Variants in PROM2 observed in about 807,000 individuals in gnomAD.
PROM2 encodes the protein prominin-2.
A neutral mutation model predicts 110.2 loss-of-function variants in PROM2; 90 were observed. That is an observed-to-expected ratio of 0.82 (90% CI 0.69 to 0.97). The LOEUF (loss-of-function observed/expected upper bound fraction) is 0.97. PROM2 is among the 50% of genes least tolerant of loss of function. The probability of loss-of-function intolerance (pLI) is 0.00; values close to 1 mark genes in which losing one functional copy is unlikely to be tolerated. For synonymous variants in PROM2, 470 were observed against 467.8 expected, an observed-to-expected ratio of 1.00 and a Z score of -0.06; for missense variants, 1,009 against 1,074.8, an observed-to-expected ratio of 0.94 and a Z score of 0.86.
intron 22 of PROM2, 21 bp downstream of exon 22, chr2:95,288,610 C>T: frequency 1.3e-6 from 2 of 1,593,658 alleles, no homozygotes; most frequent in African/African-American, 1.3e-5. Flanking sequence ...GCCAGGGCTG[C>T]AGGCAGCATC....
intron 8 of PROM2, chr2:95,278,270 C>G (rs1676796710): frequency 3.5e-6 from 2 of 568,636 alleles, no homozygotes; most frequent in East Asian, 5.8e-5. Context: ...GGCGGCTCCC[C>G]TGGGTGGAGA....
Position 95,276,395 on chromosome 2 carries a change from C to A in PROM2, c.618+48C>A, listed in dbSNP as rs1167527622. 2.5e-6 allele frequency: 4 copies of A among 1,606,350 alleles called. No homozygotes were observed. In the South Asian group the frequency reaches 4.5e-5, roughly 18 times the overall value. On this transcript the variant is annotated intron_variant, in intron 4 of 23. Coordinates refer to ENST00000317620, the MANE Select transcript of PROM2 (RefSeq NM_001165978.3). This position sits in a 1 kb window ranked among gnomAD's most constrained non-coding sequence, Gnocchi z 4.6. ...CTCATGTGCCCCTGTGAGCACTGGG[C>A]CCGGGCAGGACAGAGCCGAGTGGGC...
intron 22 of PROM2, 104 bp downstream of exon 22, chr2:95,288,693 G>T (rs1677525773): frequency 9.6e-7 from 1 of 1,037,996 alleles, no homozygotes. Context: ...CCCAGGCAGA[G>T]GAGGCTCATG....
intron 12 of PROM2, among the ~76,000 whole-genome samples, chr2:95,281,639 G>T (rs1223963602): frequency 6.6e-6 from 1 of 152,174 alleles, no homozygotes; most frequent in African/African-American, 2.4e-5. Flanking sequence ...TCCTAACACT[G>T]TCTGGGAGCT....
At chr2:95,287,926 T>C (rs1156520535) in intron 20 of PROM2, among the ~76,000 whole-genome samples, 2 of 152,232 alleles carry the variant, frequency 1.3e-5, no homozygotes, top group Admixed American at 6.5e-5. Context: ...CACACACATG[T>C]GTGCTTTCAA....
chr2:95,286,578 T>A lies in PROM2; in HGVS notation c.2040+7T>A. ...CCCCCAGCAGAGCCTTGTGGTCAGT[T>A]TGGAGGCCCGGGGAGCCTGGGGCCT... On this transcript the variant is annotated splice_region_variant and intron_variant, in intron 17 of 23. Transcript: ENST00000317620. 5 of 1,612,426 alleles carry A rather than the reference T, an allele frequency of 3.1e-6. No homozygotes were observed. The highest frequency in any genetic ancestry group is 4.2e-6 in the Non-Finnish European group (5 of 1,179,306).
Position 95,280,057 on chromosome 2 carries a change from G to A in PROM2, c.1427+60G>A, listed in dbSNP as rs1484339443. ...CTTATAGGGCTGGCTGATTACTCTC[G>A]CTCCTGAGCATAGCTCCCGGTGTGG... is the stretch of plus-strand genomic sequence containing the variant. On this transcript the variant is annotated intron_variant, in intron 11 of 23. Coordinates refer to ENST00000317620, the MANE Select transcript of PROM2 (RefSeq NM_001165978.3). 8.2e-6 allele frequency: 11 copies of A among 1,344,980 alleles called. No homozygotes were observed. In the South Asian group the frequency reaches 1.2e-4, roughly 15 times the overall value. 83.3% of individuals were successfully genotyped at this position (1,344,980 alleles called of 1,614,324 possible). A position where few individuals can be genotyped will look rare whatever the true frequency, so the allele number is the denominator to read the frequency against.
At chr2:95,283,653 T>C (rs1677173339) in intron 14 of PROM2, among the ~76,000 whole-genome samples, 1 of 152,224 alleles carries the variant, frequency 6.6e-6, no homozygotes, top group Non-Finnish European at 1.5e-5. Context: ...CCTCGGCAAG[T>C]GGACGCTCCA....
In PROM2 at chr2:95,285,017, C is replaced by T; in HGVS notation, c.1777C>T (p.Gln593Ter). 2 of 1,607,084 alleles carry T rather than the reference C, an allele frequency of 1.2e-6. No homozygotes were observed. ...QELQSLKVDT[Q>*]SLDLLSSAAR... ...GTTGCAGAGCCTGAAAGTAGACACA[C>T]AGAGCCTGGACCTGCTGAGCTCAGC... The change falls in exon 15 of 24, where the codon CAG becomes TAG. Residue 593 changes from glutamine to a stop codon, truncating the protein, a stop_gained. Transcript: ENST00000317620. LOFTEE classifies it high-confidence loss of function.
chr2:95,287,298 G>A, intron 19 of PROM2, 85 bp downstream of exon 19: 1 of 1,578,022 alleles, frequency 6.3e-7, no homozygotes, highest in Non-Finnish European at 8.7e-7. Context: ...AGGAAAGCTG[G>A]GCCTGTCCTC....
Position 95,278,014 on chromosome 2 carries a change from A to G in PROM2, c.1050+10A>G. ...CAGCATGGTCCAGGAGGTGAGAGCC[A>G]CCTGGTCTGCCTGATTTCTCCCTCA... On this transcript the variant is annotated intron_variant, in intron 8 of 23. Transcript: ENST00000317620. 1 of 1,603,998 alleles carries G rather than the reference A, an allele frequency of 6.2e-7. No individual in the cohort carries two copies. Among genetic ancestry groups the G allele is most frequent in the Non-Finnish European group, 8.5e-7 (1 of 1,174,746 alleles).
At position 95,275,539 on chromosome 2, in the gene PROM2, G is replaced by A; in HGVS notation, c.294+29G>A. The A allele has an allele frequency of 6.2e-7, 1 of 1,612,626 alleles. No individual in the cohort carries two copies. Among genetic ancestry groups the A allele is most frequent in the Non-Finnish European group, 8.5e-7 (1 of 1,179,206 alleles). On this transcript the variant is annotated intron_variant, in intron 2 of 23. Transcript: ENST00000317620. The surrounding 1 kb of genome is among the most constrained non-coding windows in gnomAD (Gnocchi z 4.4). ...AGCAAGCTGGGGAAAGGTGCTGGGGGAGGGAGTTCTGGGGTGAGCAGCAGG... is the reference window on the plus strand; with the variant it reads ...AGCAAGCTGGGGAAAGGTGCTGGGGAAGGGAGTTCTGGGGTGAGCAGCAGG...
At chr2:95,280,171 C>A (rs1368589280) in intron 11 of PROM2, among the ~76,000 whole-genome samples, 174 bp downstream of exon 11, 2 of 152,156 alleles carry the variant, frequency 1.3e-5, no homozygotes, top group Admixed American at 6.5e-5. Context: ...ACAGCAGGGG[C>A]AACTGTAGCA....
Position 95,275,434 on chromosome 2 carries a change from A to C in PROM2, c.245-27A>C. The stretch of plus-strand genomic sequence containing the variant: ...AGGGGCAGGGCAGTGGCTGTCCCCA[A>C]ATCCTCAGCTTGGCTCTTTCCCATA... On this transcript the variant is annotated intron_variant, in intron 1 of 23. Transcript: ENST00000317620. This position sits in a 1 kb window ranked among gnomAD's most constrained non-coding sequence, Gnocchi z 4.4. The C allele has an allele frequency of 6.2e-7, 1 of 1,601,760 alleles. No individual in the cohort carries two copies. Among genetic ancestry groups the C allele is most frequent in the South Asian group, 1.1e-5 (1 of 88,964 alleles).
rs1677621058 is a variant in PROM2 at position 95,290,268 on chromosome 2, G to C, written c.*1055G>C. On this transcript the variant is annotated 3_prime_UTR_variant, in exon 24 of 24. Coordinates refer to ENST00000317620, the MANE Select transcript of PROM2 (RefSeq NM_001165978.3). ...CGTTCCAGAAATGAGGAAGAGGAGA[G>C]AGAAGAGATGGACAGACCTCAGATC... 6.6e-6 allele frequency: 1 copy of C among 152,322 alleles called. No individual in the cohort carries two copies. The allele number at this position is 152,322 out of a possible 1,614,324, so 9.4% of individuals were successfully genotyped here.
In PROM2 at chr2:95,287,148, G is replaced by A; in HGVS notation, c.2110G>A (p.Val704Ile). The A allele has an allele frequency of 1.9e-6, 3 of 1,614,000 alleles. No homozygotes were observed. Among genetic ancestry groups the A allele is most frequent in the Non-Finnish European group, 1.7e-6 (2 of 1,180,004 alleles). The change falls in exon 19 of 24, where the codon GTC becomes ATC. Residue 704 changes from valine to isoleucine, a missense_variant. By Grantham distance (29) the Val-to-Ile change is conservative (BLOSUM62 3). Coordinates refer to ENST00000317620, the MANE Select transcript of PROM2 (RefSeq NM_001165978.3). Reference sequence around the variant, plus strand: ...TCCCCTCCAGCTGGAGACCTCAGATGTCCTAGCCAATGTCACCTACCTGAA... The same window carrying A: ...TCCCCTCCAGCTGGAGACCTCAGATATCCTAGCCAATGTCACCTACCTGAA... ...APNLQLETSD[V>I]LANVTYLKGE...
At chr2:95,289,151 A>T in intron 23 of PROM2, 73 bp from the exon 24 acceptor site, 1 of 668,572 alleles carries the variant, frequency 1.5e-6, no homozygotes, top group East Asian at 2.7e-5. Context: ...GGTGTGGCCC[A>T]TCCAGCAGTG....
intron 9 of PROM2, 52 bp downstream of exon 9, chr2:95,278,836 C>T (rs775144121): frequency 1.2e-6 from 2 of 1,611,366 alleles, no homozygotes; most frequent in Non-Finnish European, 1.7e-6. Flanking sequence ...CCCACCCCAC[C>T]CCTACCAGGG....
rs1402405897 is a variant in PROM2, at chr2:95,291,193, T to G, written c.*1980T>G. On this transcript the variant is annotated 3_prime_UTR_variant, in exon 24 of 24. Coordinates refer to ENST00000317620, the MANE Select transcript of PROM2 (RefSeq NM_001165978.3). Reference sequence around the variant, plus strand: ...CTTGAATGTAGCATGACTGCCTCTTTTTGCTTTTCCTAGAGGTTTTTTTTT... The same window carrying G: ...CTTGAATGTAGCATGACTGCCTCTTGTTGCTTTTCCTAGAGGTTTTTTTTT... 2.6e-5 allele frequency: 4 copies of G among 152,126 alleles called. No homozygotes were observed. The highest frequency in any genetic ancestry group is 4.4e-5 in the Non-Finnish European group (3 of 68,008). The allele number at this position is 152,126 out of a possible 1,614,324, so 9.4% of individuals were successfully genotyped here.
Sources: gnomAD v4.1 joint callset for allele counts (sites outside exome capture counted in the v4.1 genomes callset) on GRCh38, gnomAD v4.1.1 for gene constraint, Gnocchi (gnomAD v3.1) non-coding constraint, MANE v1.5 for transcripts, NCBI Gene and HGNC (gene_info 2026-07-23, HGNC 2026-07-21) for gene names.